FAM83G: variants seen among roughly 807,000 people sequenced by gnomAD.
FAM83G encodes the protein scaffolding CK1 anchoring protein G.
In FAM83G, 38 loss-of-function variants were observed where a neutral mutation model predicts 61.5. The ratio of observed to expected loss-of-function variants is 0.62; its 90% confidence interval spans 0.48 to 0.81. FAM83G has a LOEUF of 0.81. FAM83G is among the 30% of genes least tolerant of loss of function. The probability of loss-of-function intolerance (pLI) is 0.00; values close to 1 mark genes in which losing one functional copy is unlikely to be tolerated. For missense variants in FAM83G, 989 were observed against 1,133.6 expected (o/e 0.87, Z 1.83); for synonymous variants, 470 against 476.1 (o/e 0.99, Z 0.17).
At chr17:18,972,778 C>T (rs781204678) in intron 5 of FAM83G, among the ~76,000 whole-genome samples, 9 of 151,640 alleles carry the variant, frequency 5.9e-5, no homozygotes, top group Non-Finnish European at 1.0e-4. Flanking sequence ...AGGAGAATGG[C>T]GTGAGCCCAG....
At chr17:18,993,088 G>A (rs529639476) in intron 2 of FAM83G, among the ~76,000 whole-genome samples, 34 of 152,302 alleles carry the variant, frequency 2.2e-4, no homozygotes, top group Middle Eastern at 3.4e-3. Context: ...GCCTGGTTCC[G>A]AGCATGGTGG....
In FAM83G at chr17:18,978,563, T is replaced by C. The variant is rs755377653; in HGVS notation, c.1103A>G (p.Gln368Arg). 1 of 1,613,322 alleles carries C rather than the reference T, an allele frequency of 6.2e-7. No individual in the cohort carries two copies. The change falls in exon 5 of 6, where the codon CAG (glutamine) becomes CGG (arginine). Residue 368 changes from glutamine (Q) to arginine (R), a missense_variant. This residue lies in a region of FAM83G where 574 missense variants were observed against 645.1 expected (regional missense o/e 0.89). Transcript: ENST00000388995. ...DEIAKISSEK[Q>R]EAKKPLGLKG... Reference sequence around the variant, plus strand: ...CAGCCCCAGGGGCTTCTTGGCCTCCTGCTTCTCAGAGGAGATCTTGGCAAT... The same window carrying C: ...CAGCCCCAGGGGCTTCTTGGCCTCCCGCTTCTCAGAGGAGATCTTGGCAAT...
Position 18,968,932 on chromosome 17 carries a change from CTCCCCTCCTTAT to C in FAM83G, c.*2415_*2426del. On this transcript the variant is annotated 3_prime_UTR_variant, in exon 6 of 6. Coordinates refer to ENST00000388995, the MANE Select transcript of FAM83G (RefSeq NM_001039999.3). The surrounding 1 kb of genome is among the most constrained non-coding windows in gnomAD (Gnocchi z 4.1). ...TGCAGGCAGGCAGGCGAGTGGGGGT[CTCCCCTCCTTAT>C]CCACAGGCCACCGAGGCCCAGAGAG... The C allele has an allele frequency of 1.2e-6, 1 of 806,996 alleles. No homozygotes were observed. The highest frequency in any genetic ancestry group is 1.8e-5 in the South Asian group (1 of 55,028). The allele number at this position is 806,996 out of a possible 1,614,324, so 50.0% of individuals were successfully genotyped here.
chr17:18,974,090 A>G (rs1165898213), intron 5 of FAM83G, among the ~76,000 whole-genome samples: 2 of 151,916 alleles, frequency 1.3e-5, no homozygotes, highest in African/African-American at 2.4e-5. Context: ...ACGGGGTTTC[A>G]CCATGTTGGC....
rs773750800 is a variant in FAM83G, at chr17:18,978,000, G to C, written c.1666C>G (p.Arg556Gly). The C allele has an allele frequency of 5.7e-6, 9 of 1,565,272 alleles. No individual in the cohort carries two copies. In the South Asian group the frequency reaches 9.5e-5, roughly 17 times the overall value. Residue 556 changes from arginine to glycine, a missense_variant, in exon 5 of 6, where the codon CGG becomes GGG. By Grantham distance (125) the Arg-to-Gly change is moderately radical. This residue lies in a region of FAM83G where 574 missense variants were observed against 645.1 expected (regional missense o/e 0.89). Transcript: ENST00000388995. ...MAGPGHAPLQ[R>G]QLSVTQDDPE... ...TCATCCTGGGTCACAGATAGCTGCCGCTGGAGTGGGGCGTGGCCTGGGCCT... is the reference window on the plus strand; with the variant it reads ...TCATCCTGGGTCACAGATAGCTGCCCCTGGAGTGGGGCGTGGCCTGGGCCT...
At chr17:18,983,942 T>C (rs530334827) in intron 3 of FAM83G, among the ~76,000 whole-genome samples, 1 of 152,310 alleles carries the variant, frequency 6.6e-6, no homozygotes, top group South Asian at 2.1e-4. Context: ...CCCGGCAGTG[T>C]AGGATGTTTA....
At chr17:18,981,525 G>A (rs1191652940) in intron 3 of FAM83G, among the ~76,000 whole-genome samples, 3 of 152,170 alleles carry the variant, frequency 2.0e-5, no homozygotes, top group African/African-American at 7.2e-5. Context: ...TGCTATGGGA[G>A]AGGAGGGGAG....
chr17:18,993,530 G>A (rs2043484857), intron 2 of FAM83G, among the ~76,000 whole-genome samples: 1 of 152,162 alleles, frequency 6.6e-6, no homozygotes, highest in Non-Finnish European at 1.5e-5. Context: ...AGAGAGGAGA[G>A]AGGCGGCCAT....
Position 18,978,112 on chromosome 17 carries a change from C to T in FAM83G, c.1554G>A (p.Arg518=), listed in dbSNP as rs763753046. Residue 518 remains arginine, a synonymous_variant, in exon 5 of 6, where the codon CGG becomes CGA. Transcript: ENST00000388995. ...RTVPVADVLA[R]DSSDIGWVLE... is the part of the protein sequence containing the mutation. The stretch of plus-strand genomic sequence containing the variant: ...GGACCCAGCCAATATCACTGCTGTC[C>T]CGGGCTAGTACATCTGCCACAGGGA... The T allele has an allele frequency of 2.6e-6, 4 of 1,517,354 alleles. No individual in the cohort carries two copies. In the Admixed American group the frequency reaches 8.7e-5, roughly 33 times the overall value. The allele number at this position is 1,517,354 out of a possible 1,614,324, so 94.0% of individuals were successfully genotyped here. A position where few individuals can be genotyped will look rare whatever the true frequency, so the allele number is the denominator to read the frequency against.
At position 18,972,180 on chromosome 17, in the gene FAM83G, G is replaced by A. The variant is rs76801855; in HGVS notation, c.2083-432C>T. 1.8e-3 allele frequency among the ~76,000 whole-genome samples: 278 copies of A among 152,268 alleles called. 4 individuals are homozygous for A. Among genetic ancestry groups the A allele is most frequent in the African/African-American group, 6.3e-3 (263 of 41,550 alleles). On this transcript the variant is annotated intron_variant, in intron 5 of 5. Transcript: ENST00000388995. The stretch of plus-strand genomic sequence containing the variant: ...TCCTGTCTCTGGGCAGAAGCAGATG[G>A]TGCCCTTGCTTTGCTTGTCCCAAAG...
At position 18,991,305 on chromosome 17, in the gene FAM83G, G is replaced by A. The variant is rs142417919; in HGVS notation, c.523-2891C>T. 6.4e-4 allele frequency among the ~76,000 whole-genome samples: 98 copies of A among 152,244 alleles called. 2 individuals are homozygous for A. The South Asian group carries it at 7.7e-3, about 12-fold the overall frequency. ...GGTCTGGGAATGACTGCAGGAATCAGGGCATCTGGGACCACAGCCCCTCCT... is the reference window on the plus strand; with the variant it reads ...GGTCTGGGAATGACTGCAGGAATCAAGGCATCTGGGACCACAGCCCCTCCT... On this transcript the variant is annotated intron_variant, in intron 2 of 5. Coordinates refer to ENST00000388995, the MANE Select transcript of FAM83G (RefSeq NM_001039999.3).
Position 18,971,124 on chromosome 17 carries a change from A to C in FAM83G, c.*235T>G, listed in dbSNP as rs2042831412. 6.2e-7 allele frequency: 1 copy of C among 1,613,952 alleles called. No homozygotes were observed. The highest frequency in any genetic ancestry group is 1.7e-5 in the Admixed American group (1 of 60,006). ...CACCTGCCACGTACAGACGCCATGC[A>C]CATGTTTCGAGACCCCCACACAGGG... is the stretch of plus-strand genomic sequence containing the variant. On this transcript the variant is annotated 3_prime_UTR_variant, in exon 6 of 6. Coordinates refer to ENST00000388995, the MANE Select transcript of FAM83G (RefSeq NM_001039999.3). The surrounding 1 kb of genome is among the most constrained non-coding windows in gnomAD (Gnocchi z 5.5).
At position 18,971,662 on chromosome 17, in the gene FAM83G, A is replaced by C. The variant is rs1401881288; in HGVS notation, c.2169T>G (p.Ala723=). 1 of 1,613,276 alleles carries C rather than the reference A, an allele frequency of 6.2e-7. No homozygotes were observed. Among genetic ancestry groups the C allele is most frequent in the Admixed American group, 1.7e-5 (1 of 60,012 alleles). Residue 723 remains alanine, a synonymous_variant, in exon 6 of 6, where the codon GCT becomes GCG. Coordinates refer to ENST00000388995, the MANE Select transcript of FAM83G (RefSeq NM_001039999.3). The surrounding 1 kb of genome is among the most constrained non-coding windows in gnomAD (Gnocchi z 5.5). ...GFPGPPRYRS[A]ADSVQSSTRN... ...TGGTAGAGCTCTGGACGCTGTCAGC[A>C]GCAGAGCGGTACCTAGGGGGTCCTG... is the stretch of plus-strand genomic sequence containing the variant.
At chr17:18,992,402 C>T (rs1175093080) in intron 2 of FAM83G, among the ~76,000 whole-genome samples, 2 of 152,246 alleles carry the variant, frequency 1.3e-5, no homozygotes, top group Non-Finnish European at 2.9e-5. Flanking sequence ...TGGGCAGTGA[C>T]CGGAGCAGCT....
intron 3 of FAM83G, among the ~76,000 whole-genome samples, chr17:18,986,736 C>T (rs544655159): frequency 7.1e-4 from 108 of 152,364 alleles, no homozygotes; most frequent in Non-Finnish European, 7.1e-4. Context: ...TCCCTGCTTG[C>T]GTCTGCACGC....
chr17:18,984,332 C>CA (rs1176935676), intron 3 of FAM83G, among the ~76,000 whole-genome samples: 684 of 67,850 alleles, frequency 0.01, 8 homozygotes, highest in East Asian at 0.07. Context: ...GACTCCCTCT[C>CA]AAAAAAAAAA....
At chr17:18,972,373 C>G (rs1409823368) in intron 5 of FAM83G, among the ~76,000 whole-genome samples, 3 of 152,210 alleles carry the variant, frequency 2.0e-5, no homozygotes, top group Non-Finnish European at 4.4e-5. Flanking sequence ...TCACACAAGC[C>G]TTTCCCACGT....
At chr17:19,005,141 T>C (rs944198186), upstream of FAM83G, among the ~76,000 whole-genome samples, 2 of 145,148 alleles carry the variant, frequency 1.4e-5, no homozygotes, top group African/African-American at 5.7e-5. Flanking sequence ...AGCTGTCCAG[T>C]TGTGGAAACA....
At chr17:18,989,746 T>A (rs2043364492) in intron 2 of FAM83G, among the ~76,000 whole-genome samples, 1 of 152,234 alleles carries the variant, frequency 6.6e-6, no homozygotes, top group Non-Finnish European at 1.5e-5. Flanking sequence ...TCAGCCTGAC[T>A]CCTGCAGCCT....
Sources: gnomAD v4.1 joint callset for allele counts (sites outside exome capture counted in the v4.1 genomes callset) on GRCh38, gnomAD v4.1.1 for gene constraint, gnomAD v4.1.1 regional missense constraint, Gnocchi (gnomAD v3.1) non-coding constraint, MANE v1.5 for transcripts, NCBI Gene and HGNC (gene_info 2026-07-23, HGNC 2026-07-21) for gene names.